Variants in CDH23 observed in about 807,000 individuals in gnomAD.
CDH23 encodes the protein cadherin-23.
CDH23 carries 189 observed loss-of-function variants against 317.1 expected under a neutral mutation model. That is an observed-to-expected ratio of 0.60 (90% confidence interval 0.53 to 0.67). The LOEUF is 0.67. CDH23 is among the 30% of genes least tolerant of loss of function. The pLI is 0.00. For synonymous variants in CDH23, 1,839 were observed against 1,876.8 expected (o/e 0.98, Z 0.52); for missense variants, 4,401 against 4,592.4 (o/e 0.96, Z 1.20).
At chr10:71,713,628 G>C in intron 28 of CDH23, 1 of 309,190 alleles carries the variant, frequency 3.2e-6, no homozygotes, top group Non-Finnish European at 6.1e-6. Context: ...GCGAGAGTGT[G>C]GTGGCTAGCT....
intron 11 of CDH23, among the ~76,000 whole-genome samples, chr10:71,641,878 A>AG (rs1422792304): frequency 6.6e-6 from 1 of 152,186 alleles, no homozygotes; most frequent in African/African-American, 2.4e-5. Context: ...CAGGAGTTTG[A>AG]GACCAGCCTG....
chr10:71,761,588 A>T, intron 38 of CDH23: 1 of 1,565,952 alleles, frequency 6.4e-7, no homozygotes. Flanking sequence ...CACGTGCAGG[A>T]TGCCCTCACC....
At chr10:71,601,659 G>A (rs571950107) in intron 9 of CDH23, among the ~76,000 whole-genome samples, 34 of 152,308 alleles carry the variant, frequency 2.2e-4, no homozygotes, top group African/African-American at 7.7e-4. Context: ...ACGGGGTGCT[G>A]GGTGTGCTGG....
At chr10:71,454,236 G>A (rs1850582097) in intron 3 of CDH23, among the ~76,000 whole-genome samples, 1 of 152,238 alleles carries the variant, frequency 6.6e-6, no homozygotes, top group African/African-American at 2.4e-5. Flanking sequence ...TGCAAAATGG[G>A]AATAACGTTC....
chr10:71,531,950 C>A (rs1489343125), intron 6 of CDH23, among the ~76,000 whole-genome samples: 1 of 152,208 alleles, frequency 6.6e-6, no homozygotes, highest in Non-Finnish European at 1.5e-5. Flanking sequence ...GAGTTTGGGG[C>A]TGGACTAAAC....
chr10:71,601,964 G>C lies in CDH23; in HGVS notation c.833-13540G>C, dbSNP rs1008577725. Among the ~76,000 whole-genome samples, 424 of 151,724 alleles carry C rather than the reference G, an allele frequency of 2.8e-3. 5 individuals are homozygous for C. The highest frequency in any genetic ancestry group is 7.4e-3 in the African/African-American group (306 of 41,430). ...GCCTGGGCTGGGTGGGCGGCGGAGG[G>C]GGGGGGGCTCTGCAGCCCCCAGGGG... is the stretch of plus-strand genomic sequence containing the variant. On this transcript the variant is annotated intron_variant, in intron 9 of 69. Coordinates refer to ENST00000224721, the MANE Select transcript of CDH23 (RefSeq NM_022124.6).
At chr10:71,482,794 T>A (rs1217395719) in intron 3 of CDH23, among the ~76,000 whole-genome samples, 1 of 152,182 alleles carries the variant, frequency 6.6e-6, no homozygotes, top group Non-Finnish European at 1.5e-5. Context: ...TTAGGTGGTG[T>A]CAGGTGCCCG....
At chr10:71,503,148 G>A (rs530699389) in intron 3 of CDH23, among the ~76,000 whole-genome samples, 1 of 152,358 alleles carries the variant, frequency 6.6e-6, no homozygotes, top group African/African-American at 2.4e-5. Flanking sequence ...AGGCCACGGT[G>A]GAGGATGTGC....
intron 41 of CDH23, among the ~76,000 whole-genome samples, chr10:71,782,735 A>G (rs559594105): frequency 6.6e-6 from 1 of 152,386 alleles, no homozygotes; most frequent in African/African-American, 2.4e-5. Context: ...GGCTTGAGAC[A>G]GGGCTGGGAA....
intron 3 of CDH23, among the ~76,000 whole-genome samples, chr10:71,472,447 T>G (rs774143662): frequency 9.3e-4 from 142 of 152,302 alleles, no homozygotes; most frequent in Non-Finnish European, 1.7e-3. Context: ...CCACGTTAAA[T>G]CCCCTCTCTT....
chr10:71,689,006 G>GGGTGGTGGAGCCAAC (rs1865054366), intron 19 of CDH23, among the ~76,000 whole-genome samples: 2 of 104,350 alleles, frequency 1.9e-5, no homozygotes, highest in African/African-American at 3.4e-5. Context: ...GTGGAGCCAG[G>GGGTGGTGGAGCCAAC]GGTGGTGGAG....
intron 6 of CDH23, among the ~76,000 whole-genome samples, chr10:71,546,374 C>T (rs1856282393): frequency 6.6e-6 from 1 of 152,148 alleles, no homozygotes; most frequent in Non-Finnish European, 1.5e-5. Context: ...TATGATGGTA[C>T]CGGAGCTACT....
chr10:71,796,161 G>A (rs925706894), intron 48 of CDH23: 1 of 908,412 alleles, frequency 1.1e-6, no homozygotes, highest in African/African-American at 1.8e-5. Flanking sequence ...GGGAATCTCA[G>A]ATACCCCTGT....
intron 22 of CDH23, among the ~76,000 whole-genome samples, chr10:71,699,203 G>A (rs1374095380): frequency 6.6e-6 from 1 of 152,272 alleles, no homozygotes; most frequent in Admixed American, 6.5e-5. Flanking sequence ...CAAAATATGT[G>A]TTGTTGAGGA....
At chr10:71,571,534 G>A (rs149655895) in intron 8 of CDH23, among the ~76,000 whole-genome samples, 2 of 152,330 alleles carry the variant, frequency 1.3e-5, no homozygotes, top group East Asian at 3.9e-4. Context: ...GTGTCTTAGA[G>A]GACAAAACAT....
intron 18 of CDH23, 66 bp downstream of exon 18, chr10:71,682,638 C>A: frequency 6.3e-7 from 1 of 1,582,946 alleles, no homozygotes; most frequent in South Asian, 1.1e-5. Context: ...TCCTGTGAAC[C>A]CAGTACTGTA....
intron 9 of CDH23, among the ~76,000 whole-genome samples, chr10:71,583,689 G>A (rs569674368): frequency 6.7e-4 from 102 of 152,280 alleles, no homozygotes; most frequent in African/African-American, 2.2e-3. Flanking sequence ...GCTGTCGTCC[G>A]CAGCTCAGGA....
At chr10:71,466,203 G>A (rs183360585) in intron 3 of CDH23, among the ~76,000 whole-genome samples, 4 of 152,192 alleles carry the variant, frequency 2.6e-5, no homozygotes, top group East Asian at 1.9e-4. Context: ...ATGTGCACAC[G>A]TGTGTATGAG....
At chr10:71,780,696 G>A (rs916000469) in intron 41 of CDH23, among the ~76,000 whole-genome samples, 3 of 152,198 alleles carry the variant, frequency 2.0e-5, no homozygotes, top group African/African-American at 7.2e-5. Flanking sequence ...TTTAAGCAGA[G>A]GAGAGACATT....
Sources: allele counts gnomAD v4.1 joint callset (sites outside exome capture counted in the v4.1 genomes callset), GRCh38; gene constraint gnomAD v4.1.1; transcripts MANE v1.5; gene names NCBI Gene and HGNC (gene_info 2026-07-23, HGNC 2026-07-21).